Variants in GPR176 observed in about 807,000 individuals in gnomAD.
The protein encoded by GPR176 is G protein-coupled receptor 176, also known as G-protein coupled receptor 176.
In GPR176, 26 loss-of-function variants were observed where a neutral mutation model predicts 35.4. The ratio of observed to expected loss-of-function variants is 0.74; its 90% CI spans 0.54 to 1.02. The LOEUF (loss-of-function observed/expected upper bound fraction) is 1.02, where lower values mean the gene tolerates loss of function less well. Ranked by LOEUF, GPR176 falls within the 50% of genes least tolerant of loss-of-function variation. The pLI is 0.00. For missense variants in GPR176, 597 were observed against 665.3 expected (o/e 0.90, Z 1.13); for synonymous variants, 278 against 271.3 (o/e 1.02, Z -0.24).
intron 1 of GPR176, among the ~76,000 whole-genome samples, chr15:39,827,147 A>G (rs947013456): frequency 1.3e-5 from 2 of 152,218 alleles, no homozygotes; most frequent in African/African-American, 4.8e-5. Flanking sequence ...TCAAATATAC[A>G]TATTCAACAA....
chr15:39,835,714 T>C (rs1373917811), intron 1 of GPR176, among the ~76,000 whole-genome samples: 4 of 152,196 alleles, frequency 2.6e-5, no homozygotes, highest in Non-Finnish European at 4.4e-5. Context: ...CAGGAAACTC[T>C]TATGTGACAC....
intron 1 of GPR176, among the ~76,000 whole-genome samples, chr15:39,896,031 C>T (rs1449008109): frequency 1.3e-5 from 2 of 152,126 alleles, no homozygotes; most frequent in Non-Finnish European, 2.9e-5. Context: ...AGATTCATCA[C>T]AACAATATTT....
In GPR176 at chr15:39,801,395, C is replaced by T. The variant is rs767354689; in HGVS notation, c.1285G>A (p.Asp429Asn). 1.2e-6 allele frequency: 2 copies of T among 1,614,222 alleles called. No homozygotes were observed. Among genetic ancestry groups the T allele is most frequent in the South Asian group, 2.2e-5 (2 of 91,088 alleles). ...APSAPPLSTV[D>N]SVSQVAPAAP... is the part of the protein sequence containing the mutation. ...GCCGGTGCCACCTGGGATACAGAGT[C>T]CACTGTGCTCAGGGGTGGGGCAGAG... Residue 429 changes from aspartate (D) to asparagine (N), a missense_variant, in exon 3 of 3, where the codon GAC becomes AAC. Physicochemically the swap from Asp to Asn is conservative, Grantham distance 23. Coordinates refer to ENST00000561100, the MANE Select transcript of GPR176 (RefSeq NM_007223.3).
chr15:39,870,216 G>T (rs2031992227), intron 1 of GPR176, among the ~76,000 whole-genome samples: 1 of 152,090 alleles, frequency 6.6e-6, no homozygotes, highest in Non-Finnish European at 1.5e-5. Context: ...CATTTGTGAT[G>T]ACATTTAAGG....
intron 1 of GPR176, among the ~76,000 whole-genome samples, chr15:39,817,501 G>A (rs1899998701): frequency 6.6e-6 from 1 of 152,194 alleles, no homozygotes; most frequent in Admixed American, 6.5e-5. Flanking sequence ...AATAAAACAA[G>A]TTTAAACTTC....
chr15:39,821,663 A>T (rs1325788484), intron 1 of GPR176, among the ~76,000 whole-genome samples: 2 of 152,266 alleles, frequency 1.3e-5, no homozygotes, highest in African/African-American at 4.8e-5. Context: ...GTAAGAAGGT[A>T]ATCTACAACA....
At chr15:39,869,674 T>C (rs2031974045) in intron 1 of GPR176, among the ~76,000 whole-genome samples, 1 of 152,220 alleles carries the variant, frequency 6.6e-6, no homozygotes, top group African/African-American at 2.4e-5. Context: ...TATTTTATTA[T>C]TTATTTTGAA....
chr15:39,860,167 A>G (rs545462183), intron 1 of GPR176, among the ~76,000 whole-genome samples: 13 of 152,368 alleles, frequency 8.5e-5, no homozygotes, highest in African/African-American at 2.9e-4. Context: ...AATGGTGTGA[A>G]TACATGCTTT....
At chr15:39,869,903 G>A (rs930306318) in intron 1 of GPR176, among the ~76,000 whole-genome samples, 1 of 152,096 alleles carries the variant, frequency 6.6e-6, no homozygotes, top group Non-Finnish European at 1.5e-5. Flanking sequence ...TTATTAAAGG[G>A]TAGTTTCCTA....
At chr15:39,830,860 A>G (rs981249948) in intron 1 of GPR176, among the ~76,000 whole-genome samples, 29 of 152,244 alleles carry the variant, frequency 1.9e-4, no homozygotes, top group African/African-American at 7.0e-4. Flanking sequence ...AACTGCTAGA[A>G]GGCCTCATCC....
chr15:39,920,178 C>A lies in GPR176; in HGVS notation c.-152G>T. The A allele has an allele frequency of 2.2e-6, 1 of 460,180 alleles. No homozygotes were observed. The highest frequency in any genetic ancestry group is 3.6e-6 in the Non-Finnish European group (1 of 280,888). The allele number at this position is 460,180 out of a possible 1,614,324, so 28.5% of individuals were successfully genotyped here. ...GGGTCCCCTCACGTCTCCACATCGCCAACCCCGGCGCCCGGGAGGCGGGGA... is the reference window on the plus strand; with the variant it reads ...GGGTCCCCTCACGTCTCCACATCGCAAACCCCGGCGCCCGGGAGGCGGGGA... On this transcript the variant is annotated 5_prime_UTR_variant, in exon 1 of 3. Transcript: ENST00000561100.
Position 39,801,273 on chromosome 15 carries a change from T to G in GPR176, c.1407A>C (p.Arg469=). The change falls in exon 3 of 3, where the codon CGA becomes CGC. Residue 469 remains arginine, a synonymous_variant. Coordinates refer to ENST00000561100, the MANE Select transcript of GPR176 (RefSeq NM_007223.3). ...ELPPQWLSET[R]NSKKRLLPPL... The stretch of plus-strand genomic sequence containing the variant: ...GGGGAAGCAGCCGCTTCTTGCTGTT[T>G]CGGGTCTCTGAGAGCCACTGAGGAG... 6.2e-7 allele frequency: 1 copy of G among 1,614,222 alleles called. No homozygotes were observed.
At position 39,807,023 on chromosome 15, in the gene GPR176, A is replaced by C; in HGVS notation, c.408T>G (p.Pro136=). The C allele has an allele frequency of 1.2e-6, 2 of 1,613,220 alleles. No homozygotes were observed. Among genetic ancestry groups the C allele is most frequent in the Non-Finnish European group, 1.7e-6 (2 of 1,179,648 alleles). ...VFCSVTILSF[P]AIALDRYYSV... is the part of the protein sequence containing the mutation. Reference sequence around the variant, plus strand: ...GATCTTACCTGTCCAAAGCAATAGCAGGGAAGCTGAGGATGGTCACAGAGC... The same window carrying C: ...GATCTTACCTGTCCAAAGCAATAGCCGGGAAGCTGAGGATGGTCACAGAGC... The change falls in exon 2 of 3, where the codon CCT becomes CCG. Residue 136 remains proline, a synonymous_variant. Transcript: ENST00000561100.
chr15:39,888,139 T>C (rs920676361), intron 1 of GPR176, among the ~76,000 whole-genome samples: 4 of 152,244 alleles, frequency 2.6e-5, no homozygotes, highest in Non-Finnish European at 5.9e-5. Context: ...TTGAAAATGC[T>C]GTAAAGCCAG....
rs541588269 is a variant in GPR176, at chr15:39,870,892, A to C, written c.172+48963T>G. Among the ~76,000 whole-genome samples the C allele has an allele frequency of 3.3e-5, 5 of 152,266 alleles. No homozygotes were observed. The East Asian group carries it at 9.6e-4, about 29-fold the overall frequency. ...ATGAGGACCCCATCCTAGAATTGCAAGAAATTGAATTCTGCCAACAACTTG... is the reference window on the plus strand; with the variant it reads ...ATGAGGACCCCATCCTAGAATTGCACGAAATTGAATTCTGCCAACAACTTG... On this transcript the variant is annotated intron_variant, in intron 1 of 2. Transcript: ENST00000561100.
chr15:39,915,886 A>G (rs2033715316), intron 1 of GPR176, among the ~76,000 whole-genome samples: 1 of 152,224 alleles, frequency 6.6e-6, no homozygotes, highest in Admixed American at 6.5e-5. Context: ...TCTCAAAACA[A>G]AAAGAATTAA....
chr15:39,807,912 C>T (rs1023733640), intron 1 of GPR176, among the ~76,000 whole-genome samples: 3 of 152,194 alleles, frequency 2.0e-5, no homozygotes, highest in Non-Finnish European at 2.9e-5. Context: ...GTGGCCACCA[C>T]ACTGGACAGC....
intron 1 of GPR176, among the ~76,000 whole-genome samples, chr15:39,832,268 G>T (rs1319504529): frequency 1.3e-5 from 2 of 152,230 alleles, no homozygotes; most frequent in South Asian, 4.2e-4. Context: ...GACTGCTGGT[G>T]GGAATGCAAA....
At chr15:39,896,937 T>A (rs1260618780) in intron 1 of GPR176, among the ~76,000 whole-genome samples, 1 of 152,248 alleles carries the variant, frequency 6.6e-6, no homozygotes, top group African/African-American at 2.4e-5. Flanking sequence ...CTATTATGAC[T>A]ATGGGATTTC....
Sources: gnomAD v4.1 joint callset for allele counts (sites outside exome capture counted in the v4.1 genomes callset) on GRCh38, gnomAD v4.1.1 for gene constraint, MANE v1.5 for transcripts, NCBI Gene and HGNC (gene_info 2026-07-23, HGNC 2026-07-21) for gene names.